The following POLA1 variants were observed in gnomAD, a reference collection of about 807,000 sequenced individuals.
POLA1 encodes DNA polymerase alpha 1, catalytic subunit, also known as DNA polymerase alpha catalytic subunit.
POLA1 carries 15 observed loss-of-function variants against 124.0 expected under a neutral mutation model. That is an observed-to-expected ratio of 0.12 (90% CI 0.08 to 0.19). The LOEUF (loss-of-function observed/expected upper bound fraction) is 0.19. Among genes scored for constraint, POLA1 ranks in the 10% least tolerant of loss-of-function variants. POLA1 has a pLI of 1.00. For synonymous variants in POLA1, 408 were observed against 389.4 expected, an observed-to-expected ratio of 1.05 and a Z score of -0.56; for missense variants, 886 against 1,103.4, an observed-to-expected ratio of 0.80 and a Z score of 2.79.
intron 32 of POLA1, among the ~76,000 whole-genome samples, chrX:24,833,765 G>A (rs748573919): frequency 8.9e-6 from 1 of 111,967 alleles, no homozygotes; most frequent in African/African-American, 3.2e-5. Flanking sequence ...TTCCAGCACA[G>A]AGTTACCATC....
chrX:24,870,596 A>G (rs1451981466), intron 34 of POLA1, among the ~76,000 whole-genome samples: 8 of 111,887 alleles, frequency 7.2e-5, no homozygotes, highest in Non-Finnish European at 1.3e-4. Context: ...ACTCAGTGAC[A>G]GTGCTTATGC....
At chrX:24,851,631 CCT>C (rs2046563485) in intron 34 of POLA1, among the ~76,000 whole-genome samples, 1 of 113,008 alleles carries the variant, frequency 8.8e-6, no homozygotes, top group African/African-American at 3.2e-5. Context: ...TGGTTTGCCT[CCT>C]CTGACGGGAA....
intron 26 of POLA1, among the ~76,000 whole-genome samples, chrX:24,798,449 TATG>T (rs1441280727): frequency 9.0e-6 from 1 of 111,118 alleles, no homozygotes; most frequent in African/African-American, 3.3e-5. Flanking sequence ...TGAAGACCCT[TATG>T]ATGATCTACT....
At chrX:24,756,287 C>T (rs772665598) in intron 26 of POLA1, among the ~76,000 whole-genome samples, 24 of 111,272 alleles carry the variant, frequency 2.2e-4, no homozygotes, top group Admixed American at 3.8e-4. Context: ...TTGGGCCGGG[C>T]GCGGTGGCTC....
At chrX:24,949,942 C>G (rs947461882) in intron 36 of POLA1, among the ~76,000 whole-genome samples, 4 of 109,925 alleles carry the variant, frequency 3.6e-5, no homozygotes, top group Non-Finnish European at 5.7e-5. Flanking sequence ...CCATGTTGGC[C>G]AGGCTGGTCT....
rs2047366298 is a variant in POLA1 at position 24,906,420 on chromosome X, CGTATGTTCTCACTTATAAGTGG to C, written c.4164+18307_4164+18328del. Among the ~76,000 whole-genome samples the C allele has an allele frequency of 3.6e-5, 4 of 109,898 alleles. No homozygotes were observed. The South Asian group carries it at 1.6e-3, about 44-fold the overall frequency. On this transcript the variant is annotated intron_variant, in intron 35 of 36. Coordinates refer to ENST00000379068, the MANE Select transcript of POLA1 (RefSeq NM_001330360.2). ...AACTCAGGAATGGAAAATCAAGTAT[CGTATGTTCTCACTTATAAGTGG>C]GTATGTTCCCACTTATAAGGGGGAG...
At chrX:24,832,595 AT>A (rs1201805450) in intron 32 of POLA1, among the ~76,000 whole-genome samples, 3 of 112,366 alleles carry the variant, frequency 2.7e-5, no homozygotes, top group Non-Finnish European at 5.6e-5. Flanking sequence ...AATTAGATCA[AT>A]TTTTTAAAAA....
chrX:24,720,847 A>G (rs1242717551), intron 10 of POLA1, among the ~76,000 whole-genome samples: 1 of 112,503 alleles, frequency 8.9e-6, no homozygotes, highest in East Asian at 2.8e-4. Flanking sequence ...ATTTAAATTA[A>G]TTAAAATGCA....
At chrX:24,762,284 A>G (rs1450171800) in intron 26 of POLA1, among the ~76,000 whole-genome samples, 2 of 112,051 alleles carry the variant, frequency 1.8e-5, no homozygotes, top group African/African-American at 6.5e-5. Context: ...TGGTAAACTT[A>G]AGCATTCAAG....
At chrX:24,777,987 C>T (rs2045175306) in intron 26 of POLA1, among the ~76,000 whole-genome samples, 1 of 111,469 alleles carries the variant, frequency 9.0e-6, no homozygotes, top group Admixed American at 9.5e-5. Flanking sequence ...TATCCGATGT[C>T]AATAAGAATT....
intron 28 of POLA1, among the ~76,000 whole-genome samples, chrX:24,811,306 C>T (rs1388496781): frequency 1.9e-5 from 2 of 104,576 alleles, no homozygotes; most frequent in Non-Finnish European, 3.9e-5. Context: ...CATAGTCTCG[C>T]TGTGTGGCCA....
chrX:24,739,309 G>T, intron 19 of POLA1, 66 bp from the exon 20 acceptor site: 1 of 788,296 alleles, frequency 1.3e-6, no homozygotes, highest in Non-Finnish European at 1.8e-6. Context: ...CTTCAAAATA[G>T]GTTAGAAAGA....
At chrX:24,759,962 A>T (rs938149063) in intron 26 of POLA1, among the ~76,000 whole-genome samples, 1 of 112,391 alleles carries the variant, frequency 8.9e-6, no homozygotes, top group Non-Finnish European at 1.9e-5. Context: ...GTGTTATTTG[A>T]CAGGTGTTTT....
chrX:24,748,937 A>G lies in POLA1; in HGVS notation c.2909A>G (p.Tyr970Cys), dbSNP rs1932171453. The stretch of plus-strand genomic sequence containing the variant: ...ATGTATGGTTGCCTGGGATTTTCCT[A>G]TAGCAGATTTTACGCCAAACCACTG... ...NSMYGCLGFS[Y>C]SRFYAKPLAA... The change falls in exon 26 of 37, where the codon TAT (tyrosine) becomes TGT (cysteine). Residue 970 changes from tyrosine (Y) to cysteine (C), a missense_variant. This residue lies in a region of POLA1 where 182 missense variants were observed against 252.8 expected (regional missense o/e 0.72). Transcript: ENST00000379068. The G allele has an allele frequency of 8.3e-7, 1 of 1,204,582 alleles. No individual in the cohort carries two copies. The highest frequency in any genetic ancestry group is 1.8e-5 in the South Asian group (1 of 56,798).
At chrX:24,889,359 G>T (rs1210320047) in intron 35 of POLA1, among the ~76,000 whole-genome samples, 1 of 112,165 alleles carries the variant, frequency 8.9e-6, no homozygotes, top group Non-Finnish European at 1.9e-5. Context: ...AAGTTTGCAG[G>T]TTCTTTGAGC....
chrX:24,744,950 C>CAA (rs768169951), intron 23 of POLA1, among the ~76,000 whole-genome samples: 2 of 76,632 alleles, frequency 2.6e-5, no homozygotes, highest in African/African-American at 1.1e-4. Context: ...GACTCTGACT[C>CAA]AAAAAAAAAA....
chrX:24,704,386 C>T lies in POLA1; in HGVS notation c.266-3C>T. ...ATCCCAGTATTAAATTTTGTCCCTG[C>T]AGATGGTATTGGCTATGTGGAAGAT... On this transcript the variant is annotated splice_region_variant and splice_polypyrimidine_tract_variant and intron_variant, in intron 3 of 36. Transcript: ENST00000379068. The T allele has an allele frequency of 8.5e-7, 1 of 1,182,014 alleles. No homozygotes were observed. Among genetic ancestry groups the T allele is most frequent in the Non-Finnish European group, 1.2e-6 (1 of 868,841 alleles).
intron 10 of POLA1, among the ~76,000 whole-genome samples, chrX:24,722,556 T>G (rs977393667): frequency 1.8e-5 from 2 of 112,554 alleles, no homozygotes; most frequent in Admixed American, 9.4e-5. Flanking sequence ...AAACACAGTT[T>G]TACATATAGA....
At chrX:24,750,059 T>C (rs1226666878) in intron 26 of POLA1, among the ~76,000 whole-genome samples, 1 of 111,878 alleles carries the variant, frequency 8.9e-6, no homozygotes, top group African/African-American at 3.3e-5. Flanking sequence ...TCGGGGCAAA[T>C]GCAGCCTGCC....
Sources: allele counts gnomAD v4.1 joint callset (sites outside exome capture counted in the v4.1 genomes callset), GRCh38; gene constraint gnomAD v4.1.1; regional missense constraint gnomAD v4.1.1; transcripts MANE v1.5; gene names NCBI Gene and HGNC (gene_info 2026-07-23, HGNC 2026-07-21).